ATXN1: variants seen among roughly 807,000 people sequenced by gnomAD.
ATXN1 encodes the protein ataxin 1.
In ATXN1, 8 loss-of-function variants were observed where a neutral mutation model predicts 56.4. That is an observed-to-expected ratio of 0.14 (90% CI 0.08 to 0.26). The LOEUF (loss-of-function observed/expected upper bound fraction) is 0.26. Among genes scored for constraint, ATXN1 ranks in the 10% least tolerant of loss-of-function variants. The pLI, the probability that ATXN1 is intolerant of heterozygous loss-of-function variation, is 1.00. For synonymous variants in ATXN1, 514 were observed against 494.6 expected (o/e 1.04, Z -0.52); for missense variants, 987 against 1,106.5 (o/e 0.89, Z 1.53).
rs914159695 is a variant in ATXN1 at position 16,410,121 on chromosome 6, G to GC, written c.-161+75850dup. ...GGATGAAGCAGAGGGTGGCACCGGA[G>GC]CCCTACCTGGGTGCTGGCACTGCCT... On this transcript the variant is annotated intron_variant, in intron 6 of 7. Transcript: ENST00000436367. This position sits in a 1 kb window ranked among gnomAD's most constrained non-coding sequence, Gnocchi z 4.6. Among the ~76,000 whole-genome samples the GC allele has an allele frequency of 6.6e-6, 1 of 152,228 alleles. No individual in the cohort carries two copies. The highest frequency in any genetic ancestry group is 2.4e-5 in the African/African-American group (1 of 41,454).
chr6:16,379,708 G>A (rs1447690567), intron 6 of ATXN1, among the ~76,000 whole-genome samples: 1 of 152,202 alleles, frequency 6.6e-6, no homozygotes, highest in East Asian at 1.9e-4. Flanking sequence ...AACCAGGCAC[G>A]TGTAGAGGTC....
At chr6:16,534,392 G>A (rs1190499760) in intron 4 of ATXN1, among the ~76,000 whole-genome samples, 2 of 150,894 alleles carry the variant, frequency 1.3e-5, no homozygotes, top group Non-Finnish European at 2.9e-5. Context: ...AAGACTACTA[G>A]AGGAAAAAAA....
chr6:16,612,426 C>A (rs557550799), intron 3 of ATXN1, among the ~76,000 whole-genome samples: 1 of 152,112 alleles, frequency 6.6e-6, no homozygotes, highest in African/African-American at 2.4e-5. Context: ...AAAAAGAATT[C>A]TTCTAAATAG....
chr6:16,552,790 C>T lies in ATXN1; in HGVS notation c.-360-30102G>A, dbSNP rs1761945376. ...CCTTGAAGTCTGTTTACCTGCTGGT[C>T]CATGTCAATGATGTTCAGCTGCACT... On this transcript the variant is annotated intron_variant, in intron 4 of 7. Coordinates refer to ENST00000436367, the MANE Select transcript of ATXN1 (RefSeq NM_001128164.2). Among the ~76,000 whole-genome samples the T allele has an allele frequency of 2.0e-5, 3 of 152,166 alleles. 1 individual carries two copies. Among genetic ancestry groups the T allele is most frequent in the Admixed American group, 6.5e-5 (1 of 15,274 alleles).
At chr6:16,558,318 AG>A (rs367598431) in intron 4 of ATXN1, among the ~76,000 whole-genome samples, 168 of 143,076 alleles carry the variant, frequency 1.2e-3, no homozygotes, top group Non-Finnish European at 2.1e-3. Flanking sequence ...AAAAAAAAAA[AG>A]AAAAAAAAAA....
intron 6 of ATXN1, among the ~76,000 whole-genome samples, chr6:16,417,778 C>CTCCCA (rs894785871): frequency 1.3e-5 from 2 of 152,006 alleles, no homozygotes; most frequent in African/African-American, 4.8e-5. Context: ...TCTCAGCATA[C>CTCCCA]GAACACTGTA....
intron 2 of ATXN1, chr6:16,737,537 A>G (rs922171038): frequency 8.5e-5 from 13 of 152,264 alleles, no homozygotes; most frequent in Admixed American, 8.5e-4. Flanking sequence ...ATAGAGAGGA[A>G]GAAATTAATA....
intron 5 of ATXN1, among the ~76,000 whole-genome samples, chr6:16,509,448 T>C (rs781005655): frequency 6.6e-6 from 1 of 152,210 alleles, no homozygotes; most frequent in African/African-American, 2.4e-5. Flanking sequence ...TGTGCACTCA[T>C]TCAGGTCATT....
intron 2 of ATXN1, among the ~76,000 whole-genome samples, chr6:16,742,522 G>C (rs925113752): frequency 3.3e-5 from 5 of 152,166 alleles, no homozygotes; most frequent in Non-Finnish European, 7.3e-5. Context: ...AAGGACCCAG[G>C]GCTTCAGTTT....
At chr6:16,358,750 C>G (rs1322902737) in intron 6 of ATXN1, among the ~76,000 whole-genome samples, 1 of 152,210 alleles carries the variant, frequency 6.6e-6, no homozygotes, top group African/African-American at 2.4e-5. Context: ...GAGCCCCGCC[C>G]TCTTGGGGCC....
At chr6:16,444,731 AG>A in intron 6 of ATXN1, among the ~76,000 whole-genome samples, 1 of 152,244 alleles carries the variant, frequency 6.6e-6, no homozygotes, top group East Asian at 1.9e-4. Context: ...AAATAATAAT[AG>A]AATTAGACTA....
At chr6:16,512,899 G>A (rs543606449) in intron 5 of ATXN1, among the ~76,000 whole-genome samples, 2 of 152,228 alleles carry the variant, frequency 1.3e-5, no homozygotes, top group Non-Finnish European at 2.9e-5. Flanking sequence ...GTTAGTGGCT[G>A]TGATCATGTG....
chr6:16,580,728 G>A (rs1762513054), intron 4 of ATXN1, among the ~76,000 whole-genome samples: 1 of 152,122 alleles, frequency 6.6e-6, no homozygotes, highest in African/African-American at 2.4e-5. Context: ...AAACTTTAAA[G>A]TATCCAAAAT....
chr6:16,403,736 T>C (rs1758629160), intron 6 of ATXN1, among the ~76,000 whole-genome samples: 1 of 152,106 alleles, frequency 6.6e-6, no homozygotes, highest in African/African-American at 2.4e-5. Flanking sequence ...CTTCATCTTC[T>C]TCTACCTCCA....
At chr6:16,711,614 A>G (rs747068584) in intron 2 of ATXN1, among the ~76,000 whole-genome samples, 6 of 151,066 alleles carry the variant, frequency 4.0e-5, no homozygotes, top group South Asian at 2.1e-4. Flanking sequence ...CTATATCTAT[A>G]TAGATATAGA....
intron 6 of ATXN1, among the ~76,000 whole-genome samples, chr6:16,393,973 T>A (rs191495864): frequency 1.3e-4 from 20 of 151,986 alleles, no homozygotes; most frequent in Admixed American, 1.2e-3. Flanking sequence ...CCAAATATCA[T>A]GGGTCTATGT....
rs1456761317 is a variant in ATXN1, at chr6:16,551,032, T to C, written c.-360-28344A>G. Among the ~76,000 whole-genome samples the C allele has an allele frequency of 3.3e-5, 5 of 152,168 alleles. No individual in the cohort carries two copies. In the East Asian group the frequency reaches 5.8e-4, roughly 18 times the overall value. ...AATCACTGCATCCTAATTCAAAAACTAGTATGGCTTTTCAGAGGGGATAAT... is the reference window on the plus strand; with the variant it reads ...AATCACTGCATCCTAATTCAAAAACCAGTATGGCTTTTCAGAGGGGATAAT... On this transcript the variant is annotated intron_variant, in intron 4 of 7. Coordinates refer to ENST00000436367, the MANE Select transcript of ATXN1 (RefSeq NM_001128164.2).
chr6:16,383,061 A>G (rs1379632064), intron 6 of ATXN1, among the ~76,000 whole-genome samples: 1 of 152,182 alleles, frequency 6.6e-6, no homozygotes, highest in Non-Finnish European at 1.5e-5. Context: ...ACAGGTCCCT[A>G]TAATGGCTGT....
Position 16,327,246 on chromosome 6 carries a change from C to A in ATXN1, c.1065G>T (p.Pro355=). Residue 355 remains proline, a synonymous_variant, in exon 7 of 8, where the codon CCG becomes CCT. Coordinates refer to ENST00000436367, the MANE Select transcript of ATXN1 (RefSeq NM_001128164.2). The part of the protein sequence containing the change: ...GKAGGKSVPH[P]YESRHVVVHP... ...GGACCACCACGTGCCTGGACTCGTACGGGTGAGGAACCGACTTGCCGCCTG... is the reference window on the plus strand; with the variant it reads ...GGACCACCACGTGCCTGGACTCGTAAGGGTGAGGAACCGACTTGCCGCCTG... 3 of 1,613,382 alleles carry A rather than the reference C, an allele frequency of 1.9e-6. No individual in the cohort carries two copies. The highest frequency in any genetic ancestry group is 2.5e-6 in the Non-Finnish European group (3 of 1,179,684).
Sources: allele counts gnomAD v4.1 joint callset (sites outside exome capture counted in the v4.1 genomes callset), GRCh38; gene constraint gnomAD v4.1.1; non-coding constraint Gnocchi (gnomAD v3.1); transcripts MANE v1.5; gene names NCBI Gene and HGNC (gene_info 2026-07-23, HGNC 2026-07-21).